The following PLPP4 variants were observed in gnomAD, a reference collection of about 807,000 sequenced individuals.
The protein encoded by PLPP4 is phospholipid phosphatase 4.
A neutral mutation model predicts 32.2 loss-of-function variants in PLPP4; 20 were observed. That is an observed-to-expected ratio of 0.62 (90% confidence interval 0.44 to 0.90). The LOEUF is 0.90. Ranked by LOEUF, PLPP4 falls within the 40% of genes least tolerant of loss-of-function variation. The pLI is 0.00. For synonymous variants in PLPP4, 127 were observed against 133.0 expected (o/e 0.95, Z 0.31); for missense variants, 257 against 353.1 (o/e 0.73, Z 2.18).
chr10:120,531,092 T>C (rs1043964322), intron 5 of PLPP4, among the ~76,000 whole-genome samples: 7 of 147,100 alleles, frequency 4.8e-5, no homozygotes, highest in South Asian at 2.2e-4. Context: ...ATTTTCTTTT[T>C]TTTTTTTTTT....
chr10:120,565,275 CTAAAACATATCCCTTACATTTCCTT>C (rs1267045412), intron 5 of PLPP4, among the ~76,000 whole-genome samples: 3 of 151,360 alleles, frequency 2.0e-5, no homozygotes, highest in Non-Finnish European at 4.4e-5. Context: ...AACTTTCTGC[CTAAAACATATCCCTTACATTTCCTT>C]TGATTTGTTT....
Position 120,500,182 on chromosome 10 carries a change from G to A in PLPP4, c.57-3636G>A, listed in dbSNP as rs1393256395. Among the ~76,000 whole-genome samples the A allele has an allele frequency of 2.6e-5, 4 of 152,098 alleles. No individual in the cohort carries two copies. In the East Asian group the frequency reaches 7.7e-4, roughly 29 times the overall value. On this transcript the variant is annotated intron_variant, in intron 1 of 6. Transcript: ENST00000398250. ...GAGTGAGGGATTGTGCAAAAGCCTG[G>A]GTGCACCAGTCTTTAGAAAAATTGC... is the stretch of plus-strand genomic sequence containing the variant.
intron 2 of PLPP4, among the ~76,000 whole-genome samples, chr10:120,507,651 T>A (rs2133876035): frequency 6.6e-6 from 1 of 152,128 alleles, no homozygotes; most frequent in South Asian, 2.1e-4. Context: ...GCTTCCTTGG[T>A]GATTGGTTAG....
At chr10:120,484,551 T>G (rs1844354904) in intron 1 of PLPP4, among the ~76,000 whole-genome samples, 1 of 152,158 alleles carries the variant, frequency 6.6e-6, no homozygotes. Context: ...CCTGCAATAA[T>G]GGCATTAATT....
intron 1 of PLPP4, among the ~76,000 whole-genome samples, chr10:120,480,137 C>G (rs1314096231): frequency 3.3e-5 from 5 of 152,208 alleles, no homozygotes; most frequent in African/African-American, 1.2e-4. Flanking sequence ...CCTGCCTAGA[C>G]CTTTTTGATT....
intron 1 of PLPP4, among the ~76,000 whole-genome samples, chr10:120,475,548 G>T (rs181498547): frequency 5.8e-4 from 89 of 152,320 alleles, no homozygotes; most frequent in African/African-American, 2.0e-3. Flanking sequence ...AGTCCTGGCA[G>T]TTCCCTTCTG....
rs1848294132 is a variant in PLPP4 at position 120,558,982 on chromosome 10, AATTCCC to A, written c.446-16145_446-16140del. ...TACACTCTCACCAGCAAGTTATGAA[AATTCCC>A]ATTGCCCCACAGTCTTGTCGGCACC... On this transcript the variant is annotated intron_variant, in intron 5 of 6. Coordinates refer to ENST00000398250, the MANE Select transcript of PLPP4 (RefSeq NM_001030059.3). Among the ~76,000 whole-genome samples, 6 of 152,294 alleles carry A rather than the reference AATTCCC, an allele frequency of 3.9e-5. No homozygotes were observed. In the South Asian group the frequency reaches 1.2e-3, roughly 32 times the overall value.
chr10:120,504,295 C>T (rs1164296763), intron 2 of PLPP4, among the ~76,000 whole-genome samples: 2 of 152,238 alleles, frequency 1.3e-5, no homozygotes, highest in African/African-American at 4.8e-5. Flanking sequence ...CTTGTCCCTG[C>T]TACTGTGTCC....
chr10:120,553,201 A>G (rs559790863), intron 5 of PLPP4, among the ~76,000 whole-genome samples: 11 of 152,292 alleles, frequency 7.2e-5, no homozygotes, highest in Middle Eastern at 3.4e-3. Context: ...TTTTAATATG[A>G]CAGTTGTCAT....
intron 1 of PLPP4, among the ~76,000 whole-genome samples, chr10:120,460,558 A>G (rs1196091105): frequency 1.3e-5 from 2 of 152,172 alleles, no homozygotes; most frequent in African/African-American, 4.8e-5. Flanking sequence ...CCCGTATGCC[A>G]TTTAGCCTGA....
intron 5 of PLPP4, among the ~76,000 whole-genome samples, chr10:120,533,063 T>A (rs142524052): frequency 2.5e-3 from 381 of 152,330 alleles, no homozygotes; most frequent in African/African-American, 8.3e-3. Context: ...GATGGGCATA[T>A]GGTAACTCTG....
rs1849978295 is a variant in PLPP4, at chr10:120,591,082, T to C, written c.*1580T>C. Among the ~76,000 whole-genome samples, 1 of 152,118 alleles carries C rather than the reference T, an allele frequency of 6.6e-6. No individual in the cohort carries two copies. The highest frequency in any genetic ancestry group is 1.5e-5 in the Non-Finnish European group (1 of 68,006). On this transcript the variant is annotated 3_prime_UTR_variant, in exon 7 of 7. Coordinates refer to ENST00000398250, the MANE Select transcript of PLPP4 (RefSeq NM_001030059.3). ...CTGCACCTGGCCAAGAGTGTTGCTT[T>C]TGGGCAGTTAGCATAACAGACTGCA...
chr10:120,528,068 CG>C (rs1375488204), intron 5 of PLPP4, among the ~76,000 whole-genome samples: 1,476 of 120,202 alleles, frequency 0.012, 40 homozygotes, highest in African/African-American at 0.047. Flanking sequence ...TACCACTCTC[CG>C]TTTTTTTTTT....
chr10:120,458,600 G>A (rs979167395), intron 1 of PLPP4, among the ~76,000 whole-genome samples: 3 of 152,086 alleles, frequency 2.0e-5, no homozygotes, highest in Non-Finnish European at 4.4e-5. Context: ...CACACCATCA[G>A]AAAAGGCCAT....
At chr10:120,477,020 G>A (rs1043788516) in intron 1 of PLPP4, among the ~76,000 whole-genome samples, 4 of 151,972 alleles carry the variant, frequency 2.6e-5, no homozygotes, top group African/African-American at 7.3e-5. Context: ...ATCTTAGTTC[G>A]CCATAATCTT....
At chr10:120,505,515 T>C (rs2133870777) in intron 2 of PLPP4, among the ~76,000 whole-genome samples, 1 of 152,336 alleles carries the variant, frequency 6.6e-6, no homozygotes, top group East Asian at 1.9e-4. Flanking sequence ...GGAACATTTT[T>C]GTATTTTGAA....
intron 1 of PLPP4, among the ~76,000 whole-genome samples, chr10:120,493,411 G>A (rs1294917663): frequency 6.6e-6 from 1 of 152,184 alleles, no homozygotes; most frequent in African/African-American, 2.4e-5. Context: ...ACAGGAGAAA[G>A]GGTCTGTGGT....
chr10:120,520,979 C>T lies in PLPP4; in HGVS notation c.329C>T (p.Pro110Leu), dbSNP rs753958429. The change falls in exon 5 of 7, where the codon CCC becomes CTC. Residue 110 changes from proline to leucine, a missense_variant. Physicochemically the swap from Pro to Leu is moderately conservative, Grantham distance 98. Coordinates refer to ENST00000398250, the MANE Select transcript of PLPP4 (RefSeq NM_001030059.3). ...CATGGTGTCTTTTGTAGACCTCGCC[C>T]CGATTTCTTTTACCGCTGCTTTCCA... ...TIKLIVGRPR[P>L]DFFYRCFPDG... 1 of 1,613,822 alleles carries T rather than the reference C, an allele frequency of 6.2e-7. No homozygotes were observed. Among genetic ancestry groups the T allele is most frequent in the South Asian group, 1.1e-5 (1 of 91,036 alleles).
chr10:120,473,869 C>T (rs1301952581), intron 1 of PLPP4, among the ~76,000 whole-genome samples: 2 of 152,194 alleles, frequency 1.3e-5, no homozygotes, highest in East Asian at 1.9e-4. Context: ...GCCATGCTCC[C>T]TGTACAGTGG....
Sources: gnomAD v4.1 joint callset for allele counts (sites outside exome capture counted in the v4.1 genomes callset) on GRCh38, gnomAD v4.1.1 for gene constraint, MANE v1.5 for transcripts, NCBI Gene and HGNC (gene_info 2026-07-23, HGNC 2026-07-21) for gene names.